Variants in SCAI observed in about 807,000 individuals in gnomAD.
SCAI encodes the protein suppressor of cancer cell invasion.
Under a neutral mutation model 92.2 loss-of-function variants are expected in SCAI, and 24 were observed. The ratio of observed to expected loss-of-function variants is 0.26; its 90% CI spans 0.19 to 0.37. The LOEUF (loss-of-function observed/expected upper bound fraction) is 0.37. SCAI is among the 10% of genes least tolerant of loss of function. The pLI is 1.00. For missense variants in SCAI, 450 were observed against 736.2 expected, an observed-to-expected ratio of 0.61 and a Z score of 4.50; for synonymous variants, 261 against 258.6, an observed-to-expected ratio of 1.01 and a Z score of -0.09.
At chr9:125,084,069 G>C (rs1012222951) in intron 2 of SCAI, among the ~76,000 whole-genome samples, 1 of 151,010 alleles carries the variant, frequency 6.6e-6, no homozygotes, top group Non-Finnish European at 1.5e-5. Context: ...GGAACGAGAG[G>C]GTCTGTCTAA....
Position 125,073,395 on chromosome 9 carries a change from C to A in SCAI, c.99-17388G>T, listed in dbSNP as rs752670060. ...CTGGGATTACAGGCGTGAGCCACCG[C>A]GCCCGGCCCTATTTTTAATTTTTTG... is the stretch of plus-strand genomic sequence containing the variant. On this transcript the variant is annotated intron_variant, in intron 2 of 17. Coordinates refer to ENST00000336505, the MANE Select transcript of SCAI (RefSeq NM_001144877.3). Among the ~76,000 whole-genome samples, 31 of 152,076 alleles carry A rather than the reference C, an allele frequency of 2.0e-4. 1 individual carries two copies. The highest frequency in any genetic ancestry group is 1.5e-5 in the Non-Finnish European group (1 of 68,010).
intron 2 of SCAI, among the ~76,000 whole-genome samples, chr9:125,127,303 T>A (rs1416476637): frequency 1.3e-5 from 2 of 152,004 alleles, no homozygotes; most frequent in Non-Finnish European, 1.5e-5. Context: ...CCTATTAGAG[T>A]CTCACATAAC....
At chr9:125,070,217 G>A (rs1015601380) in intron 2 of SCAI, among the ~76,000 whole-genome samples, 3 of 151,998 alleles carry the variant, frequency 2.0e-5, no homozygotes, top group African/African-American at 7.3e-5. Flanking sequence ...TGATGATGAT[G>A]GTTTTGCCAT....
chr9:124,972,467 T>C (rs1231827926), intron 15 of SCAI, among the ~76,000 whole-genome samples: 1 of 152,214 alleles, frequency 6.6e-6, no homozygotes, highest in Non-Finnish European at 1.5e-5. Flanking sequence ...GAGTAAAATG[T>C]GACTAGATGA....
At chr9:125,027,707 G>C (rs1047806201) in intron 5 of SCAI, among the ~76,000 whole-genome samples, 1 of 152,100 alleles carries the variant, frequency 6.6e-6, no homozygotes, top group Non-Finnish European at 1.5e-5. Flanking sequence ...CTTTTTAGTA[G>C]AGACGGGGTT....
At position 125,131,576 on chromosome 9, in the gene SCAI, A is replaced by G. The variant is rs146117787; in HGVS notation, c.98+11057T>C. Among the ~76,000 whole-genome samples the G allele has an allele frequency of 5.9e-5, 9 of 152,222 alleles. No individual in the cohort carries two copies. The East Asian group carries it at 1.7e-3, about 29-fold the overall frequency. On this transcript the variant is annotated intron_variant, in intron 2 of 17. Coordinates refer to ENST00000336505, the MANE Select transcript of SCAI (RefSeq NM_001144877.3). ...ATGAGCTCTTTTTGAATGCCCTTGA[A>G]AATCACTGCTTAACTCTTCTAGGTT...
At chr9:125,054,592 T>C (rs569071457) in intron 3 of SCAI, among the ~76,000 whole-genome samples, 60 of 151,964 alleles carry the variant, frequency 3.9e-4, no homozygotes, top group African/African-American at 1.4e-3. Flanking sequence ...AAATAATCTA[T>C]TGCAGGAAAA....
intron 3 of SCAI, among the ~76,000 whole-genome samples, chr9:125,048,937 G>T: frequency 1.3e-5 from 2 of 151,808 alleles, no homozygotes; most frequent in East Asian, 3.9e-4. Context: ...TAGAGATGGG[G>T]TTTCTCCATG....
Position 124,951,291 on chromosome 9 carries a change from G to C in SCAI, c.*1516C>G, listed in dbSNP as rs1232581116. 1 of 151,974 alleles carries C rather than the reference G, an allele frequency of 6.6e-6. No homozygotes were observed. The highest frequency in any genetic ancestry group is 2.4e-5 in the African/African-American group (1 of 41,340). 9.4% of individuals were successfully genotyped at this position (151,974 alleles called of 1,614,324 possible). On this transcript the variant is annotated 3_prime_UTR_variant, in exon 18 of 18. Transcript: ENST00000336505. ...GGAGGCTGAGGCAGGCAGATCACAA[G>C]GTCAGGAGTTTGAGACCAGCCTGAC... is the stretch of plus-strand genomic sequence containing the variant.
At chr9:124,979,787 C>T (rs1325004099) in intron 14 of SCAI, among the ~76,000 whole-genome samples, 4 of 151,968 alleles carry the variant, frequency 2.6e-5, no homozygotes, top group Non-Finnish European at 5.9e-5. Context: ...CGGTGGCTCA[C>T]GCCTGTAATC....
At chr9:125,094,851 G>A (rs1834512400) in intron 2 of SCAI, among the ~76,000 whole-genome samples, 1 of 152,106 alleles carries the variant, frequency 6.6e-6, no homozygotes, top group South Asian at 2.1e-4. Flanking sequence ...TTCATGAGGG[G>A]AGGGACATTT....
At chr9:125,124,146 G>C (rs1835213865) in intron 2 of SCAI, among the ~76,000 whole-genome samples, 1 of 152,166 alleles carries the variant, frequency 6.6e-6, no homozygotes, top group Non-Finnish European at 1.5e-5. Flanking sequence ...GAAGTTCTCA[G>C]AGATTAGGAG....
At chr9:125,103,358 AG>A (rs1276002135) in intron 2 of SCAI, among the ~76,000 whole-genome samples, 7 of 152,130 alleles carry the variant, frequency 4.6e-5, no homozygotes, top group Non-Finnish European at 2.9e-5. Context: ...AAATACACCT[AG>A]GAATTCCCTA....
intron 2 of SCAI, among the ~76,000 whole-genome samples, chr9:125,082,414 G>C (rs978827843): frequency 6.6e-6 from 1 of 152,254 alleles, no homozygotes; most frequent in Admixed American, 6.5e-5. Flanking sequence ...TGCTAAGGCA[G>C]TTCAGAAAGG....
At chr9:124,993,778 G>A (rs1220158652) in intron 14 of SCAI, among the ~76,000 whole-genome samples, 1 of 152,034 alleles carries the variant, frequency 6.6e-6, no homozygotes, top group Non-Finnish European at 1.5e-5. Context: ...CAGCTCTCTT[G>A]GCTACCAGAC....
At chr9:124,965,327 G>C (rs1421479216) in intron 17 of SCAI, among the ~76,000 whole-genome samples, 1 of 152,052 alleles carries the variant, frequency 6.6e-6, no homozygotes, top group African/African-American at 2.4e-5. Flanking sequence ...TCCGCCTTCT[G>C]GTTTCAAGCA....
At chr9:125,109,965 G>C (rs1158761652) in intron 2 of SCAI, among the ~76,000 whole-genome samples, 1 of 152,126 alleles carries the variant, frequency 6.6e-6, no homozygotes, top group Non-Finnish European at 1.5e-5. Context: ...TGGGATTACA[G>C]GCATGAGCCA....
intron 3 of SCAI, among the ~76,000 whole-genome samples, chr9:125,054,172 A>C (rs1053657683): frequency 7.9e-5 from 12 of 152,142 alleles, no homozygotes; most frequent in Admixed American, 5.9e-4. Context: ...ACGAGGTTTC[A>C]CCATGTTGCC....
chr9:125,106,722 C>CTTTTT (rs34740170), intron 2 of SCAI, among the ~76,000 whole-genome samples: 1 of 113,364 alleles, frequency 8.8e-6, no homozygotes, highest in Non-Finnish European at 1.8e-5. Context: ...TTTTCTTTTC[C>CTTTTT]TTTTTTTTTT....
Sources: allele counts gnomAD v4.1 joint callset (sites outside exome capture counted in the v4.1 genomes callset), GRCh38; gene constraint gnomAD v4.1.1; transcripts MANE v1.5; gene names NCBI Gene and HGNC (gene_info 2026-07-23, HGNC 2026-07-21).